Variants in PRKN observed in about 807,000 individuals in gnomAD.
PRKN encodes parkin RBR E3 ubiquitin protein ligase.
Under a neutral mutation model 59.5 loss-of-function variants are expected in PRKN, and 56 were observed. The ratio of observed to expected loss-of-function variants is 0.94; its 90% confidence interval spans 0.76 to 1.18. The LOEUF (loss-of-function observed/expected upper bound fraction) is 1.18. Among genes scored for constraint, PRKN ranks in the 50% most tolerant of loss-of-function variants. PRKN has a pLI of 0.00. For missense variants in PRKN, 657 were observed against 596.4 expected (o/e 1.10, Z -1.06); for synonymous variants, 250 against 222.1 (o/e 1.13, Z -1.12).
At chr6:162,069,722 T>C (rs1401324702) in intron 4 of PRKN, among the ~76,000 whole-genome samples, 3 of 152,216 alleles carry the variant, frequency 2.0e-5, no homozygotes, top group Admixed American at 6.5e-5. Flanking sequence ...TAATTGTTCC[T>C]AAGTAAGCCA....
intron 4 of PRKN, among the ~76,000 whole-genome samples, chr6:162,075,855 G>A (rs1432035472): frequency 6.6e-6 from 1 of 151,908 alleles, no homozygotes; most frequent in Non-Finnish European, 1.5e-5. Flanking sequence ...GTATTTATAA[G>A]GTACATTTAT....
At chr6:162,001,111 C>A (rs1015366576) in intron 5 of PRKN, among the ~76,000 whole-genome samples, 1 of 151,948 alleles carries the variant, frequency 6.6e-6, no homozygotes, top group African/African-American at 2.4e-5. Flanking sequence ...TATTTCAATA[C>A]TGCAATGGCT....
intron 6 of PRKN, among the ~76,000 whole-genome samples, chr6:161,870,803 C>A (rs995553875): frequency 2.1e-4 from 32 of 152,250 alleles, no homozygotes; most frequent in African/African-American, 7.2e-4. Context: ...TTAATTCTTG[C>A]AATGGACATT....
At chr6:162,348,681 T>C (rs1481863249) in intron 2 of PRKN, among the ~76,000 whole-genome samples, 1 of 152,152 alleles carries the variant, frequency 6.6e-6, no homozygotes, top group Non-Finnish European at 1.5e-5. Context: ...ATTATTTCTT[T>C]TTACAACCCT....
chr6:162,698,597 TG>T (rs2128236359), intron 1 of PRKN, among the ~76,000 whole-genome samples: 1 of 152,248 alleles, frequency 6.6e-6, no homozygotes, highest in Admixed American at 6.5e-5. Flanking sequence ...CCCAGGTGTG[TG>T]GACCACAGGT....
intron 6 of PRKN, among the ~76,000 whole-genome samples, chr6:161,873,891 TTA>T (rs1794450389): frequency 1.6e-5 from 2 of 127,820 alleles, no homozygotes; most frequent in South Asian, 4.6e-4. Flanking sequence ...TAAATAAAAA[TTA>T]TATACTATAT....
At position 161,874,262 on chromosome 6, in the gene PRKN, TAA is replaced by T. The variant is rs1374748045; in HGVS notation, c.735-88356_735-88355del. On this transcript the variant is annotated intron_variant, in intron 6 of 11. Transcript: ENST00000366898. ...TATAATATATAATATATATTATATG[TAA>T]AATATATAATATATATTATATATTA... 3.4e-4 allele frequency among the ~76,000 whole-genome samples: 4 copies of T among 11,720 alleles called. 1 individual carries two copies. The highest frequency in any genetic ancestry group is 4.2e-3 in the East Asian group (2 of 478). 7.7% of individuals were successfully genotyped at this position (11,720 alleles called of 152,430 possible). A position where few individuals can be genotyped will look rare whatever the true frequency, so the allele number is the denominator to read the frequency against.
At chr6:161,830,465 G>A (rs1157884488) in intron 6 of PRKN, among the ~76,000 whole-genome samples, 1 of 152,068 alleles carries the variant, frequency 6.6e-6, no homozygotes, top group African/African-American at 2.4e-5. Flanking sequence ...TGTTAGCCAG[G>A]ATGGTCTCGA....
In PRKN at chr6:161,511,823, G is replaced by GAA. The variant is rs113379330; in HGVS notation, c.1083+37029_1083+37030dup. Among the ~76,000 whole-genome samples the GAA allele has an allele frequency of 5.8e-3, 830 of 144,262 alleles. 7 individuals are homozygous for GAA. Among genetic ancestry groups the GAA allele is most frequent in the Middle Eastern group, 0.022 (6 of 272 alleles). 94.6% of individuals were successfully genotyped at this position (144,262 alleles called of 152,430 possible). ...AAAGTGGCAGATGGGTTGATCTTAG[G>GAA]AAAAAAAAAAAAATCTGCTAACTGG... is the stretch of plus-strand genomic sequence containing the variant. On this transcript the variant is annotated intron_variant, in intron 9 of 11. Coordinates refer to ENST00000366898, the MANE Select transcript of PRKN (RefSeq NM_004562.3).
intron 2 of PRKN, among the ~76,000 whole-genome samples, chr6:162,305,951 C>G (rs1174923920): frequency 6.6e-6 from 1 of 151,976 alleles, no homozygotes; most frequent in Non-Finnish European, 1.5e-5. Context: ...TTTTCTTTTA[C>G]ATGTTTTAAT....
rs12525730 is a variant in PRKN at position 161,808,348 on chromosome 6, A to G, written c.735-22440T>C. On this transcript the variant is annotated intron_variant, in intron 6 of 11. Transcript: ENST00000366898. ...GATAAAAGCACTGTATCAATGTTAA[A>G]TTGACTTGAATAACTGTACTGTCTT... 9.7e-4 allele frequency among the ~76,000 whole-genome samples: 147 copies of G among 152,324 alleles called. 2 individuals are homozygous for G. Among genetic ancestry groups the G allele is most frequent in the South Asian group, 7.5e-3 (36 of 4,826 alleles).
At chr6:161,425,589 A>G (rs1236274201) in intron 9 of PRKN, among the ~76,000 whole-genome samples, 1 of 152,090 alleles carries the variant, frequency 6.6e-6, no homozygotes, top group African/African-American at 2.4e-5. Context: ...TTCATTTCTG[A>G]TGCACCAGAT....
chr6:162,230,391 T>G (rs150899481), intron 3 of PRKN, among the ~76,000 whole-genome samples: 3 of 152,310 alleles, frequency 2.0e-5, no homozygotes, highest in Non-Finnish European at 4.4e-5. Context: ...AAGCACACCC[T>G]CTTTGAAATA....
chr6:162,027,943 C>T (rs898251782), intron 5 of PRKN, among the ~76,000 whole-genome samples: 1 of 151,582 alleles, frequency 6.6e-6, no homozygotes, highest in East Asian at 1.9e-4. Flanking sequence ...TATATTCATA[C>T]TAGATGTTTT....
At chr6:162,024,268 G>C (rs1041080402) in intron 5 of PRKN, among the ~76,000 whole-genome samples, 1 of 132,466 alleles carries the variant, frequency 7.5e-6, no homozygotes, top group Non-Finnish European at 1.5e-5. Context: ...CACAATCTTG[G>C]TTCACTGCAA....
At chr6:161,788,080 G>T (rs887613757) in intron 6 of PRKN, among the ~76,000 whole-genome samples, 1 of 152,220 alleles carries the variant, frequency 6.6e-6, no homozygotes, top group African/African-American at 2.4e-5. Flanking sequence ...GGCCATCAGT[G>T]TAGCTTCTGC....
chr6:162,645,868 C>A (rs1401312663), intron 1 of PRKN, among the ~76,000 whole-genome samples: 1 of 121,138 alleles, frequency 8.3e-6, no homozygotes, highest in Non-Finnish European at 1.7e-5. Context: ...TAAACTTTCT[C>A]TTTTTTTTTT....
chr6:162,398,082 G>T (rs1485545755), intron 2 of PRKN, among the ~76,000 whole-genome samples: 1 of 142,444 alleles, frequency 7.0e-6, no homozygotes, highest in Non-Finnish European at 1.5e-5. Context: ...TTGTGGAAAA[G>T]AAACTAAACA....
chr6:161,532,056 CA>C (rs1456382275), intron 9 of PRKN, among the ~76,000 whole-genome samples: 5 of 151,544 alleles, frequency 3.3e-5, no homozygotes, highest in Admixed American at 2.0e-4. Flanking sequence ...TTCCCTGAAA[CA>C]AAAAACTAAT....
Sources: allele counts gnomAD v4.1 joint callset (sites outside exome capture counted in the v4.1 genomes callset), GRCh38; gene constraint gnomAD v4.1.1; transcripts MANE v1.5; gene names NCBI Gene and HGNC (gene_info 2026-07-23, HGNC 2026-07-21).